SH3RF1: variants seen among roughly 807,000 people sequenced by gnomAD.
SH3RF1 encodes the protein SH3 domain containing ring finger 1, also known as E3 ubiquitin-protein ligase SH3RF1.
SH3RF1 carries 32 observed loss-of-function variants against 74.0 expected under a neutral mutation model. That is an observed-to-expected ratio of 0.43 (90% CI 0.33 to 0.58). The LOEUF (loss-of-function observed/expected upper bound fraction) is 0.58, where lower values mean the gene tolerates loss of function less well. SH3RF1 is among the 20% of genes least tolerant of loss of function. SH3RF1 has a pLI of 0.05. For missense variants in SH3RF1, 954 were observed against 1,130.9 expected (o/e 0.84, Z 2.24); for synonymous variants, 396 against 439.6 (o/e 0.90, Z 1.24).
At chr4:169,182,111 A>G (rs1004039991) in intron 2 of SH3RF1, among the ~76,000 whole-genome samples, 2 of 152,246 alleles carry the variant, frequency 1.3e-5, no homozygotes, top group African/African-American at 4.8e-5. Context: ...AATGGAATAG[A>G]ATATTTGAAA....
In SH3RF1 at chr4:169,204,699, C is replaced by T. The variant is rs1468412581; in HGVS notation, c.394-48020G>A. ...CTGAGTAGCTGGGACTACAGGCATG[C>T]ACTACCACGCCCGGCTAATTTTTTG... On this transcript the variant is annotated intron_variant, in intron 2 of 11. Coordinates refer to ENST00000284637, the MANE Select transcript of SH3RF1 (RefSeq NM_020870.4). Among the ~76,000 whole-genome samples, 4 of 152,080 alleles carry T rather than the reference C, an allele frequency of 2.6e-5. No homozygotes were observed. In the East Asian group the frequency reaches 7.7e-4, roughly 29 times the overall value.
intron 2 of SH3RF1, among the ~76,000 whole-genome samples, chr4:169,165,557 C>T (rs989277950): frequency 2.0e-5 from 3 of 151,626 alleles, no homozygotes; most frequent in African/African-American, 2.4e-5. Context: ...GGTATGGTGG[C>T]ACGTGCCTGT....
chr4:169,205,630 G>A (rs914414647), intron 2 of SH3RF1, among the ~76,000 whole-genome samples: 5 of 152,104 alleles, frequency 3.3e-5, no homozygotes, highest in Admixed American at 3.3e-4. Context: ...GCACCTGTCA[G>A]AAAATCTTCA....
intron 2 of SH3RF1, among the ~76,000 whole-genome samples, chr4:169,266,796 T>G (rs923042932): frequency 6.6e-6 from 1 of 152,138 alleles, no homozygotes; most frequent in African/African-American, 2.4e-5. Flanking sequence ...CTCGAAAAAC[T>G]ATTTTAAACT....
At chr4:169,111,125 A>G (rs936562040) in intron 10 of SH3RF1, among the ~76,000 whole-genome samples, 4 of 151,684 alleles carry the variant, frequency 2.6e-5, no homozygotes, top group African/African-American at 9.7e-5. Flanking sequence ...AACATGGTGA[A>G]ACCCTGTCTC....
intron 2 of SH3RF1, among the ~76,000 whole-genome samples, chr4:169,218,270 A>T (rs1307333017): frequency 1.4e-5 from 2 of 139,936 alleles, no homozygotes; most frequent in Non-Finnish European, 3.0e-5. Context: ...ATAATATAGA[A>T]TATAAATATA....
intron 9 of SH3RF1, 78 bp from the exon 10 acceptor site, chr4:169,116,708 CT>C: frequency 6.8e-7 from 1 of 1,469,516 alleles, no homozygotes; most frequent in South Asian, 1.5e-5. Context: ...AGTCATTTCA[CT>C]GCATCAGACC....
intron 4 of SH3RF1, among the ~76,000 whole-genome samples, chr4:169,138,998 C>T (rs1005830685): frequency 6.6e-6 from 1 of 152,190 alleles, no homozygotes; most frequent in African/African-American, 2.4e-5. Context: ...GTTGCCCTGG[C>T]TGAAGTGCAG....
chr4:169,205,058 G>A (rs1422976052), intron 2 of SH3RF1, among the ~76,000 whole-genome samples: 3 of 152,250 alleles, frequency 2.0e-5, no homozygotes, highest in Non-Finnish European at 4.4e-5. Flanking sequence ...GCAACATGCA[G>A]TGGAGTTACC....
At chr4:169,218,164 AAT>A (rs1228861838) in intron 2 of SH3RF1, among the ~76,000 whole-genome samples, 14 of 146,556 alleles carry the variant, frequency 9.6e-5, no homozygotes, top group African/African-American at 2.2e-4. Flanking sequence ...TACATATATC[AAT>A]ATATGTTAAT....
chr4:169,156,606 C>G lies in SH3RF1; in HGVS notation c.467G>C (p.Ser156Thr). The G allele has an allele frequency of 6.2e-7, 1 of 1,613,908 alleles. No individual in the cohort carries two copies. The highest frequency in any genetic ancestry group is 1.1e-5 in the South Asian group (1 of 91,068). ...TCGCAAAATGATGATGTCACCTTTGCTGAATTTAAGGTCTCCAGGCTCTTT... is the reference window on the plus strand; with the variant it reads ...TCGCAAAATGATGATGTCACCTTTGGTGAATTTAAGGTCTCCAGGCTCTTT... ...EGKEPGDLKF[S>T]KGDIIILRRQ... The change falls in exon 3 of 12, where the codon AGC (serine) becomes ACC (threonine). Residue 156 changes from serine (S) to threonine (T), a missense_variant. Transcript: ENST00000284637.
chr4:169,185,201 T>C (rs556648672), intron 2 of SH3RF1, among the ~76,000 whole-genome samples: 71 of 152,238 alleles, frequency 4.7e-4, no homozygotes, highest in African/African-American at 8.9e-4. Flanking sequence ...GTGCTAAACA[T>C]TGAGGATAAA....
At chr4:169,229,933 A>T (rs115030333) in intron 2 of SH3RF1, among the ~76,000 whole-genome samples, 1,848 of 141,374 alleles carry the variant, frequency 0.013, 289 homozygotes, top group African/African-American at 0.045. Context: ...TGGCCAGGCG[A>T]GGTGGCTCAT....
chr4:169,206,990 C>A (rs979454886), intron 2 of SH3RF1, among the ~76,000 whole-genome samples: 2 of 151,726 alleles, frequency 1.3e-5, no homozygotes, highest in Admixed American at 1.3e-4. Flanking sequence ...GACAGGGTTT[C>A]ACTCGTCACC....
At chr4:169,144,197 C>T (rs907919520) in intron 4 of SH3RF1, among the ~76,000 whole-genome samples, 1 of 152,186 alleles carries the variant, frequency 6.6e-6, no homozygotes, top group Non-Finnish European at 1.5e-5. Flanking sequence ...GTTATTCTTA[C>T]TATTCAGAGT....
chr4:169,141,941 T>G (rs914666732), intron 4 of SH3RF1, among the ~76,000 whole-genome samples: 1 of 151,510 alleles, frequency 6.6e-6, no homozygotes, highest in Admixed American at 6.6e-5. Context: ...GCCTCCTGAA[T>G]AGCTGGGACT....
At chr4:169,117,411 G>A in intron 9 of SH3RF1, 112 bp downstream of exon 9, 1 of 1,492,896 alleles carries the variant, frequency 6.7e-7, no homozygotes, top group Non-Finnish European at 9.1e-7. Context: ...TTTGCCTAAT[G>A]TTGTTCATTA....
chr4:169,105,748 T>C (rs1733122473), intron 11 of SH3RF1, among the ~76,000 whole-genome samples: 1 of 152,128 alleles, frequency 6.6e-6, no homozygotes, highest in Admixed American at 6.5e-5. Flanking sequence ...TAGCTGGGAA[T>C]GGTGGCACAT....
intron 2 of SH3RF1, among the ~76,000 whole-genome samples, chr4:169,213,727 C>T (rs1489336876): frequency 1.3e-5 from 2 of 152,186 alleles, no homozygotes; most frequent in South Asian, 2.1e-4. Flanking sequence ...TCATTGTTTG[C>T]ATTTGAATGT....
Sources: allele counts gnomAD v4.1 joint callset (sites outside exome capture counted in the v4.1 genomes callset), GRCh38; gene constraint gnomAD v4.1.1; transcripts MANE v1.5; gene names NCBI Gene and HGNC (gene_info 2026-07-23, HGNC 2026-07-21).